FAF2: variants seen among roughly 807,000 people sequenced by gnomAD.
The protein encoded by FAF2 is FAS-associated factor 2.
FAF2 carries 9 observed loss-of-function variants against 62.3 expected under a neutral mutation model. The observed-to-expected ratio is 0.14, with a 90% confidence interval of 0.09 to 0.25. The LOEUF (loss-of-function observed/expected upper bound fraction) is 0.25. Ranked by LOEUF, FAF2 falls within the 10% of genes least tolerant of loss-of-function variation. FAF2 has a pLI of 1.00. For missense variants in FAF2, 368 were observed against 556.2 expected, an observed-to-expected ratio of 0.66 and a Z score of 3.40; for synonymous variants, 202 against 198.0, an observed-to-expected ratio of 1.02 and a Z score of -0.17.
intron 2 of FAF2, 35 bp downstream of exon 2, chr5:176,479,291 T>C (rs758133507): frequency 2.5e-5 from 39 of 1,537,710 alleles, no homozygotes; most frequent in East Asian, 6.7e-5. Context: ...TATTTCTTTT[T>C]CTCTGGTCTG....
rs1305619269 is a variant in FAF2 at position 176,479,216 on chromosome 5, A to T, written c.92A>T (p.Gln31Leu). ...QDLTGIESMD[Q>L]CRHTLEQHNW... ...CTCACTGGCATCGAATCTATGGATC[A>T]GTGTCGCCATACCTTGGAACAGCAT... The change falls in exon 2 of 11, where the codon CAG (glutamine) becomes CTG (leucine). Residue 31 changes from glutamine (Q) to leucine (L), a missense_variant. Transcript: ENST00000261942. 6.2e-7 allele frequency: 1 copy of T among 1,614,034 alleles called. No individual in the cohort carries two copies. The highest frequency in any genetic ancestry group is 1.1e-5 in the South Asian group (1 of 91,082).
At position 176,468,106 on chromosome 5, in the gene FAF2, G is replaced by A. The variant is rs546108249; in HGVS notation, c.64-11082G>A. Among the ~76,000 whole-genome samples, 3 of 152,064 alleles carry A rather than the reference G, an allele frequency of 2.0e-5. No homozygotes were observed. The South Asian group carries it at 6.2e-4, about 32-fold the overall frequency. On this transcript the variant is annotated intron_variant, in intron 1 of 10. Coordinates refer to ENST00000261942, the MANE Select transcript of FAF2 (RefSeq NM_014613.3). The stretch of plus-strand genomic sequence containing the variant: ...CTTGAACCCTGGAAGCGGAGATTGT[G>A]GTGAGCTGAAATCTTGCCACTACAC...
chr5:176,486,231 C>A, intron 2 of FAF2, 124 bp from the exon 3 acceptor site: 1 of 1,210,900 alleles, frequency 8.3e-7, no homozygotes, highest in Non-Finnish European at 1.2e-6. Context: ...GTGCACTCCT[C>A]AGTGACCTTT....
At chr5:176,459,659 G>A (rs1758340220) in intron 1 of FAF2, among the ~76,000 whole-genome samples, 1 of 152,128 alleles carries the variant, frequency 6.6e-6, no homozygotes, top group Non-Finnish European at 1.5e-5. Flanking sequence ...CCAGGCCTCA[G>A]TTTCTGTATC....
intron 2 of FAF2, among the ~76,000 whole-genome samples, 200 bp from the exon 3 acceptor site, chr5:176,486,155 A>G (rs1158819625): frequency 1.3e-5 from 2 of 152,180 alleles, no homozygotes; most frequent in African/African-American, 4.8e-5. Context: ...CTCCTCTACC[A>G]TGGATGCATT....
rs558364943 is a variant in FAF2 at position 176,500,884 on chromosome 5, T to G, written c.1155+738T>G. On this transcript the variant is annotated intron_variant, in intron 10 of 10. Coordinates refer to ENST00000261942, the MANE Select transcript of FAF2 (RefSeq NM_014613.3). ...GCTCATGCCTGTAATCCCAGCACTT[T>G]GAGAGGCCGAGGTAGGTGGATCATT... Among the ~76,000 whole-genome samples, 11 of 152,274 alleles carry G rather than the reference T, an allele frequency of 7.2e-5. No individual in the cohort carries two copies. The South Asian group carries it at 2.1e-3, about 29-fold the overall frequency.
chr5:176,493,984 T>C lies in FAF2; in HGVS notation c.484-15T>C. 6.3e-7 allele frequency: 1 copy of C among 1,598,382 alleles called. No individual in the cohort carries two copies. Among genetic ancestry groups the C allele is most frequent in the South Asian group, 1.1e-5 (1 of 90,358 alleles). On this transcript the variant is annotated splice_polypyrimidine_tract_variant and intron_variant, in intron 5 of 10. Coordinates refer to ENST00000261942, the MANE Select transcript of FAF2 (RefSeq NM_014613.3). ...ACAGTCTTCTTAATAGTGAGTGACC[T>C]TCTCTTTCTCACAGGCACTTAACGA...
intron 2 of FAF2, among the ~76,000 whole-genome samples, chr5:176,481,279 C>CTTG (rs543959369): frequency 8.3e-4 from 126 of 152,228 alleles, no homozygotes; most frequent in Non-Finnish European, 1.5e-3. Context: ...ATCTCCTGAC[C>CTTG]TTGTGATCCA....
At chr5:176,474,064 TTG>T (rs1397920097) in intron 1 of FAF2, among the ~76,000 whole-genome samples, 1 of 152,238 alleles carries the variant, frequency 6.6e-6, no homozygotes, top group Non-Finnish European at 1.5e-5. Flanking sequence ...TACTGGGATG[TTG>T]TGGCTTGTAG....
chr5:176,497,046 C>T (rs1038502262), intron 8 of FAF2: 10 of 153,314 alleles, frequency 6.5e-5, no homozygotes, highest in African/African-American at 9.7e-5. Flanking sequence ...CTTGGGAGCC[C>T]GAGGCAGGAG....
At chr5:176,474,812 G>A (rs1581063651) in intron 1 of FAF2, among the ~76,000 whole-genome samples, 1 of 152,150 alleles carries the variant, frequency 6.6e-6, no homozygotes, top group Admixed American at 6.5e-5. Context: ...AGTATGTGTG[G>A]TTTGTTTTGA....
intron 1 of FAF2, among the ~76,000 whole-genome samples, chr5:176,459,425 AT>A: frequency 6.6e-6 from 1 of 151,612 alleles, no homozygotes; most frequent in East Asian, 1.9e-4. Flanking sequence ...CACCCAGCTA[AT>A]TTTTTTATTT....
Position 176,500,255 on chromosome 5 carries a change from A to G in FAF2, c.1155+109A>G, listed in dbSNP as rs576557380. ...TGGTGTATCTGCTGCTCTGATGAAC[A>G]GGGAACAGAGAGAGAGAGAGAGAGA... On this transcript the variant is annotated intron_variant, in intron 10 of 10. Transcript: ENST00000261942. 5 of 1,104,104 alleles carry G rather than the reference A, an allele frequency of 4.5e-6. No homozygotes were observed. The East Asian group carries it at 7.2e-5, about 16-fold the overall frequency. 68.4% of individuals were successfully genotyped at this position (1,104,104 alleles called of 1,614,324 possible).
At chr5:176,506,411 A>G (rs2113750907) in intron 10 of FAF2, among the ~76,000 whole-genome samples, 1 of 152,290 alleles carries the variant, frequency 6.6e-6, no homozygotes, top group Non-Finnish European at 1.5e-5. Flanking sequence ...TACAGTTAGC[A>G]CTTCACTCTC....
intron 1 of FAF2, among the ~76,000 whole-genome samples, chr5:176,478,500 A>AG (rs1273158683): frequency 2.0e-5 from 3 of 151,664 alleles, no homozygotes; most frequent in Non-Finnish European, 4.4e-5. Context: ...GGCGGGGGGT[A>AG]GGGGGGTCGG....
At chr5:176,492,841 T>C (rs1201121740) in intron 5 of FAF2, among the ~76,000 whole-genome samples, 1 of 152,224 alleles carries the variant, frequency 6.6e-6, no homozygotes, top group African/African-American at 2.4e-5. Flanking sequence ...CCTATATCAT[T>C]TGTGTTCGTG....
chr5:176,458,507 G>A (rs145618770), intron 1 of FAF2, among the ~76,000 whole-genome samples: 5 of 120,100 alleles, frequency 4.2e-5, no homozygotes, highest in Admixed American at 1.2e-4. Context: ...AAGTTCAAGC[G>A]ATTGTCCTGC....
At chr5:176,457,270 CCT>C (rs1758292943) in intron 1 of FAF2, among the ~76,000 whole-genome samples, 1 of 152,112 alleles carries the variant, frequency 6.6e-6, no homozygotes, top group Admixed American at 6.6e-5. Flanking sequence ...CTCACTACAA[CCT>C]TTGTCTCCCA....
chr5:176,494,188 A>G lies in FAF2; in HGVS notation c.574A>G (p.Thr192Ala). The G allele has an allele frequency of 6.2e-7, 1 of 1,614,070 alleles. No individual in the cohort carries two copies. The highest frequency in any genetic ancestry group is 8.5e-7 in the Non-Finnish European group (1 of 1,179,926). Residue 192 changes from threonine to alanine, a missense_variant, in exon 7 of 11, where the codon ACA (threonine) becomes GCA (alanine). By Grantham distance (58) the Thr-to-Ala change is moderately conservative. Coordinates refer to ENST00000261942, the MANE Select transcript of FAF2 (RefSeq NM_014613.3). The surrounding 1 kb of genome is among the most constrained non-coding windows in gnomAD (Gnocchi z 4.0). ...CCTTTTCATACCTTTCCACAGCAACACACTCTGTGCACCTGAAGTTATTTC... is the reference window on the plus strand; with the variant it reads ...CCTTTTCATACCTTTCCACAGCAACGCACTCTGTGCACCTGAAGTTATTTC... Reference protein sequence around the residue: ...HQDSDEFCRNTLCAPEVISLI... With the variant: ...HQDSDEFCRNALCAPEVISLI...
Sources: allele counts gnomAD v4.1 joint callset (sites outside exome capture counted in the v4.1 genomes callset), GRCh38; gene constraint gnomAD v4.1.1; non-coding constraint Gnocchi (gnomAD v3.1); transcripts MANE v1.5; gene names NCBI Gene and HGNC (gene_info 2026-07-23, HGNC 2026-07-21).